The following PRKCA variants were observed in gnomAD, a reference collection of about 807,000 sequenced individuals.
The protein encoded by PRKCA is protein kinase C alpha, also known as protein kinase C alpha type.
PRKCA carries 27 observed loss-of-function variants against 87.0 expected under a neutral mutation model. That is an observed-to-expected ratio of 0.31 (90% CI 0.23 to 0.43). The LOEUF is 0.43. PRKCA is among the 20% of genes least tolerant of loss of function. The pLI is 1.00. For synonymous variants in PRKCA, 329 were observed against 311.1 expected (o/e 1.06, Z -0.61); for missense variants, 518 against 852.3 (o/e 0.61, Z 4.88).
At position 66,764,293 on chromosome 17, in the gene PRKCA, T is replaced by C. The variant is rs139695126; in HGVS notation, c.1525-9694T>C. Among the ~76,000 whole-genome samples, 249 of 152,030 alleles carry C rather than the reference T, an allele frequency of 1.6e-3. 1 individual carries two copies. The highest frequency in any genetic ancestry group is 0.014 in the Middle Eastern group (4 of 294). ...AAACCTTCCTGTGCCGTCCTCAAGCTCTCCCAGGCTGGAGATTTCAGAAGT... is the reference window on the plus strand; with the variant it reads ...AAACCTTCCTGTGCCGTCCTCAAGCCCTCCCAGGCTGGAGATTTCAGAAGT... On this transcript the variant is annotated intron_variant, in intron 13 of 16. Coordinates refer to ENST00000413366, the MANE Select transcript of PRKCA (RefSeq NM_002737.3).
chr17:66,783,534 G>A (rs1361107963), intron 14 of PRKCA, among the ~76,000 whole-genome samples: 2 of 152,170 alleles, frequency 1.3e-5, no homozygotes, highest in African/African-American at 4.8e-5. Context: ...GAGCATACGT[G>A]GGGACAGCTC....
intron 2 of PRKCA, among the ~76,000 whole-genome samples, chr17:66,315,816 T>C (rs1455356406): frequency 6.6e-6 from 1 of 152,242 alleles, no homozygotes; most frequent in Non-Finnish European, 1.5e-5. Context: ...CTTAATGTGC[T>C]TCCTGCCTGT....
intron 3 of PRKCA, among the ~76,000 whole-genome samples, chr17:66,580,708 C>G (rs1056412698): frequency 3.3e-5 from 5 of 152,178 alleles, no homozygotes; most frequent in Non-Finnish European, 7.3e-5. Flanking sequence ...ACTAAACACA[C>G]TTATGATCAA....
chr17:66,437,064 C>G (rs1913434001), intron 2 of PRKCA, among the ~76,000 whole-genome samples: 1 of 152,032 alleles, frequency 6.6e-6, no homozygotes, highest in African/African-American at 2.4e-5. Flanking sequence ...GCAGAGCAAA[C>G]GAAGCCAGGA....
At chr17:66,765,556 T>TTATATA (rs748386604) in intron 13 of PRKCA, among the ~76,000 whole-genome samples, 4 of 142,906 alleles carry the variant, frequency 2.8e-5, no homozygotes, top group African/African-American at 7.7e-5. Context: ...ATATATGTCT[T>TTATATA]TATATATATA....
At chr17:66,718,403 C>A (rs1239666775) in intron 8 of PRKCA, among the ~76,000 whole-genome samples, 1 of 152,180 alleles carries the variant, frequency 6.6e-6, no homozygotes, top group Non-Finnish European at 1.5e-5. Flanking sequence ...TCCTCGAATT[C>A]CTGGGCTCAA....
rs113276726 is a variant in PRKCA, at chr17:66,722,070, A to C, written c.919-10618A>C. On this transcript the variant is annotated intron_variant, in intron 8 of 16. Coordinates refer to ENST00000413366, the MANE Select transcript of PRKCA (RefSeq NM_002737.3). ...TAGATGAATCTTTGGACCTGTATTC[A>C]TACTGGAGATAAATCAGCACCCCTT... Among the ~76,000 whole-genome samples, 1,087 of 152,304 alleles carry C rather than the reference A, an allele frequency of 7.1e-3. 12 individuals carry two copies. The highest frequency in any genetic ancestry group is 0.025 in the African/African-American group (1,041 of 41,566).
chr17:66,313,456 G>A (rs753583205), intron 2 of PRKCA, among the ~76,000 whole-genome samples: 2 of 152,162 alleles, frequency 1.3e-5, no homozygotes, highest in Non-Finnish European at 2.9e-5. Context: ...CATTAACACT[G>A]CAGAAATAAA....
chr17:66,386,136 T>C (rs141382127), intron 2 of PRKCA, among the ~76,000 whole-genome samples: 1 of 152,300 alleles, frequency 6.6e-6, no homozygotes, highest in East Asian at 1.9e-4. Context: ...GAAGTCTCGT[T>C]GTGTCGTTTA....
intron 9 of PRKCA, among the ~76,000 whole-genome samples, chr17:66,735,071 G>T (rs1973992520): frequency 6.6e-6 from 1 of 152,152 alleles, no homozygotes; most frequent in Non-Finnish European, 1.5e-5. Flanking sequence ...GGTTTCTGTG[G>T]CCCCACATTT....
chr17:66,396,729 A>C (rs1438292133), intron 2 of PRKCA, among the ~76,000 whole-genome samples: 1 of 150,940 alleles, frequency 6.6e-6, no homozygotes, highest in Admixed American at 6.6e-5. Flanking sequence ...TCTGGGTTCA[A>C]GTGATTCTCC....
At chr17:66,556,485 A>G (rs1164752127) in intron 3 of PRKCA, among the ~76,000 whole-genome samples, 1 of 152,118 alleles carries the variant, frequency 6.6e-6, no homozygotes, top group Non-Finnish European at 1.5e-5. Flanking sequence ...AAAGAAGAGA[A>G]CATTTGAAGA....
intron 5 of PRKCA, among the ~76,000 whole-genome samples, chr17:66,645,944 G>C (rs976540867): frequency 6.6e-6 from 1 of 152,216 alleles, no homozygotes; most frequent in Non-Finnish European, 1.5e-5. Flanking sequence ...CCACCTCAGC[G>C]ATAGCAACAG....
intron 2 of PRKCA, among the ~76,000 whole-genome samples, chr17:66,310,823 C>T (rs991612878): frequency 4.6e-5 from 7 of 152,140 alleles, no homozygotes; most frequent in African/African-American, 9.7e-5. Context: ...TGTCCTCATC[C>T]GCCACGGTGT....
At chr17:66,626,194 T>A (rs1395283772) in intron 3 of PRKCA, among the ~76,000 whole-genome samples, 1 of 150,522 alleles carries the variant, frequency 6.6e-6, no homozygotes, top group African/African-American at 2.5e-5. Flanking sequence ...TCTTCCTCTT[T>A]TTCTTTTCTT....
intron 2 of PRKCA, among the ~76,000 whole-genome samples, chr17:66,343,732 G>A (rs928247075): frequency 6.6e-6 from 1 of 152,194 alleles, no homozygotes; most frequent in African/African-American, 2.4e-5. Flanking sequence ...AGGACAGGGA[G>A]TATCCAGGGT....
chr17:66,641,181 A>G (rs1376229566), intron 3 of PRKCA, among the ~76,000 whole-genome samples, 174 bp from the exon 4 acceptor site: 1 of 113,770 alleles, frequency 8.8e-6, no homozygotes, highest in African/African-American at 2.6e-5. Context: ...AATATCTAAA[A>G]TATTTAGTGG....
At chr17:66,428,429 C>G (rs150163926) in intron 2 of PRKCA, among the ~76,000 whole-genome samples, 1 of 151,630 alleles carries the variant, frequency 6.6e-6, no homozygotes, top group East Asian at 1.9e-4. Context: ...CATTAGAATT[C>G]AAGGGAAACT....
intron 4 of PRKCA, 87 bp downstream of exon 4, chr17:66,641,553 C>T: frequency 1.2e-6 from 1 of 812,456 alleles, no homozygotes; most frequent in Non-Finnish European, 2.0e-6. Context: ...AGTAACTTTT[C>T]AACACCAACT....
Sources: allele counts gnomAD v4.1 joint callset (sites outside exome capture counted in the v4.1 genomes callset), GRCh38; gene constraint gnomAD v4.1.1; transcripts MANE v1.5; gene names NCBI Gene and HGNC (gene_info 2026-07-23, HGNC 2026-07-21).